The following LDB2 variants were observed in gnomAD, a reference collection of about 807,000 sequenced individuals.
LDB2 encodes LIM domain binding 2.
A neutral mutation model predicts 44.3 loss-of-function variants in LDB2; 12 were observed. The ratio of observed to expected loss-of-function variants is 0.27; its 90% CI spans 0.17 to 0.44. The LOEUF is 0.44. LDB2 is among the 20% of genes least tolerant of loss of function. The pLI, the probability that LDB2 is intolerant of heterozygous loss-of-function variation, is 1.00. For synonymous variants in LDB2, 164 were observed against 174.8 expected (o/e 0.94, Z 0.49); for missense variants, 344 against 473.5 (o/e 0.73, Z 2.54).
At chr4:16,521,648 A>G (rs1164353740) in intron 5 of LDB2, among the ~76,000 whole-genome samples, 1 of 152,114 alleles carries the variant, frequency 6.6e-6, no homozygotes, top group Non-Finnish European at 1.5e-5. Flanking sequence ...AGCAGCTGTC[A>G]TCAGACACAT....
At chr4:16,760,211 G>A (rs1767591641) in intron 1 of LDB2, among the ~76,000 whole-genome samples, 1 of 152,176 alleles carries the variant, frequency 6.6e-6, no homozygotes, top group South Asian at 2.1e-4. Flanking sequence ...TCAGATGGAA[G>A]GGGAGATAGA....
intron 1 of LDB2, among the ~76,000 whole-genome samples, chr4:16,870,179 T>G (rs1015262698): frequency 2.0e-5 from 3 of 152,136 alleles, no homozygotes; most frequent in East Asian, 1.9e-4. Context: ...TTTGGAAGAC[T>G]AACCATAACC....
chr4:16,548,125 CA>C (rs1736411737), intron 5 of LDB2, among the ~76,000 whole-genome samples: 2 of 151,768 alleles, frequency 1.3e-5, no homozygotes, highest in African/African-American at 4.8e-5. Flanking sequence ...TGCCTGGCCT[CA>C]ACTTTCCTGG....
chr4:16,510,329 A>G (rs1334568330), intron 6 of LDB2, among the ~76,000 whole-genome samples: 3 of 152,272 alleles, frequency 2.0e-5, no homozygotes, highest in East Asian at 3.9e-4. Flanking sequence ...CAAATGGTCT[A>G]TCATTTCCTT....
intron 2 of LDB2, among the ~76,000 whole-genome samples, chr4:16,690,459 C>CAGGAAGGAAGGAAGGA (rs768921074): frequency 6.6e-4 from 33 of 50,300 alleles, no homozygotes; most frequent in African/African-American, 2.5e-3. Context: ...GAAGACCCTG[C>CAGGAAGGAAGGAAGGA]AGGAAGGAAG....
chr4:16,562,396 G>C (rs1332211286), intron 5 of LDB2, among the ~76,000 whole-genome samples: 1 of 152,270 alleles, frequency 6.6e-6, no homozygotes, highest in East Asian at 1.9e-4. Context: ...CCATCAAAAA[G>C]TGGGCGAAGG....
At chr4:16,865,282 T>G (rs1714298297) in intron 1 of LDB2, among the ~76,000 whole-genome samples, 1 of 152,132 alleles carries the variant, frequency 6.6e-6, no homozygotes, top group Non-Finnish European at 1.5e-5. Context: ...AGCCCATACC[T>G]AGAGTTTACA....
intron 2 of LDB2, among the ~76,000 whole-genome samples, chr4:16,606,704 G>C (rs1468264620): frequency 6.6e-6 from 1 of 152,202 alleles, no homozygotes; most frequent in Non-Finnish European, 1.5e-5. Flanking sequence ...TCACTTGGCT[G>C]CATGGAAAAA....
chr4:16,654,991 T>C (rs891535270), intron 2 of LDB2, among the ~76,000 whole-genome samples: 3 of 151,772 alleles, frequency 2.0e-5, no homozygotes, highest in African/African-American at 7.3e-5. Context: ...AAAAAAAAAA[T>C]TATCCTAGGG....
chr4:16,700,471 C>G (rs961970512), intron 2 of LDB2, among the ~76,000 whole-genome samples: 1 of 152,214 alleles, frequency 6.6e-6, no homozygotes, highest in Non-Finnish European at 1.5e-5. Flanking sequence ...TTCACTTACA[C>G]GTAAACACAT....
chr4:16,814,791 C>G (rs995509098), intron 1 of LDB2, among the ~76,000 whole-genome samples: 2 of 152,074 alleles, frequency 1.3e-5, no homozygotes, highest in African/African-American at 2.4e-5. Flanking sequence ...TCAGGGGGTA[C>G]AAAGTGATAG....
intron 5 of LDB2, among the ~76,000 whole-genome samples, chr4:16,513,903 A>T (rs1425157113): frequency 6.6e-6 from 1 of 152,192 alleles, no homozygotes; most frequent in African/African-American, 2.4e-5. Context: ...TAAACATATT[A>T]TTCTAACTTT....
chr4:16,555,699 T>A (rs1232779088), intron 5 of LDB2, among the ~76,000 whole-genome samples: 1 of 152,224 alleles, frequency 6.6e-6, no homozygotes, highest in African/African-American at 2.4e-5. Context: ...TCCTCTAAGG[T>A]GGAGGCTCTC....
At chr4:16,536,067 T>C (rs1436462799) in intron 5 of LDB2, among the ~76,000 whole-genome samples, 1 of 152,204 alleles carries the variant, frequency 6.6e-6, no homozygotes, top group Non-Finnish European at 1.5e-5. Context: ...GTAAGAAAGC[T>C]GGACGGAGCA....
At chr4:16,707,990 G>A (rs1026509372) in intron 2 of LDB2, among the ~76,000 whole-genome samples, 10 of 152,128 alleles carry the variant, frequency 6.6e-5, no homozygotes, top group East Asian at 1.9e-4. Context: ...GCCATTTCCC[G>A]TGTTCAAACT....
intron 2 of LDB2, among the ~76,000 whole-genome samples, chr4:16,638,511 TC>T (rs1396865384): frequency 6.6e-6 from 1 of 152,172 alleles, no homozygotes; most frequent in African/African-American, 2.4e-5. Context: ...GGAATGAATA[TC>T]TCAAGCAAAA....
intron 2 of LDB2, among the ~76,000 whole-genome samples, chr4:16,660,321 G>A: frequency 6.6e-6 from 1 of 152,126 alleles, no homozygotes; most frequent in Admixed American, 6.6e-5. Flanking sequence ...GGCCATCAAG[G>A]GGCCTTAGGC....
chr4:16,665,362 T>C (rs1742788710), intron 2 of LDB2, among the ~76,000 whole-genome samples: 1 of 147,888 alleles, frequency 6.8e-6, no homozygotes, highest in African/African-American at 2.5e-5. Context: ...GCCTCTCAGG[T>C]TCAAATGATT....
intron 2 of LDB2, among the ~76,000 whole-genome samples, chr4:16,603,139 C>T (rs759085600): frequency 6.6e-6 from 1 of 152,148 alleles, no homozygotes; most frequent in Non-Finnish European, 1.5e-5. Flanking sequence ...CGACTTTGAT[C>T]TAAAGTACTG....
Sources: gnomAD v4.1 joint callset for allele counts (sites outside exome capture counted in the v4.1 genomes callset) on GRCh38, gnomAD v4.1.1 for gene constraint, MANE v1.5 for transcripts, NCBI Gene and HGNC (gene_info 2026-07-23, HGNC 2026-07-21) for gene names.